Variants in FBLN7 observed in about 807,000 individuals in gnomAD.
The protein encoded by FBLN7 is fibulin 7.
In FBLN7, 31 loss-of-function variants were observed where a neutral mutation model predicts 44.0. The ratio of observed to expected loss-of-function variants is 0.70; its 90% CI spans 0.53 to 0.95. The LOEUF is 0.95. FBLN7 is among the 40% of genes least tolerant of loss of function. FBLN7 has a pLI of 0.00. For synonymous variants in FBLN7, 262 were observed against 253.4 expected, an observed-to-expected ratio of 1.03 and a Z score of -0.32; for missense variants, 573 against 618.5, an observed-to-expected ratio of 0.93 and a Z score of 0.78.
At chr2:112,151,339 C>T (rs922510830) in intron 1 of FBLN7, 1 of 152,178 alleles carries the variant, frequency 6.6e-6, no homozygotes, top group African/African-American at 2.4e-5. Flanking sequence ...CCTACTCTCT[C>T]TAGGGGAAAA....
At chr2:112,180,850 G>A (rs900777371) in intron 4 of FBLN7, among the ~76,000 whole-genome samples, 2 of 149,700 alleles carry the variant, frequency 1.3e-5, no homozygotes, top group Non-Finnish European at 3.0e-5. Context: ...ATGAACCCGG[G>A]AGGCAGAGCT....
the FBLN7 span, among the ~76,000 whole-genome samples, chr2:112,236,029 C>A: frequency 2.0e-5 from 3 of 151,638 alleles, no homozygotes; most frequent in Non-Finnish European, 4.4e-5. Flanking sequence ...TGGTGGGAGC[C>A]GAGGCAGGTG....
intron 4 of FBLN7, among the ~76,000 whole-genome samples, chr2:112,178,250 A>T (rs1682822055): frequency 7.2e-6 from 1 of 139,642 alleles, no homozygotes; most frequent in African/African-American, 2.6e-5. Flanking sequence ...GAAAAGTACA[A>T]GAAATACAAA....
the FBLN7 span, chr2:112,232,067 TAGG>T: frequency 2.0e-6 from 1 of 495,208 alleles, no homozygotes. Context: ...CTCATGCCTG[TAGG>T]AGGCGGAGGT....
chr2:112,210,854 A>G, the FBLN7 span, among the ~76,000 whole-genome samples: 2 of 152,168 alleles, frequency 1.3e-5, no homozygotes, highest in Non-Finnish European at 2.9e-5. Flanking sequence ...AGTAATGAAC[A>G]CATCTAGCAA....
chr2:112,175,832 C>G lies in FBLN7; in HGVS notation c.525C>G (p.Ala175=), dbSNP rs1480320522. ...CTGGGAACCGCTGTCAGCATCAGGC[C>G]CAGACTGGTATGTAGCCACCATGGG... The part of the protein sequence containing the change: ...GRTGNRCQHQ[A]QTAAPEGSVA... Residue 175 remains alanine (A), a synonymous_variant, in exon 4 of 8, where the codon GCC becomes GCG. Coordinates refer to ENST00000331203, the MANE Select transcript of FBLN7 (RefSeq NM_153214.3). 1 of 1,613,888 alleles carries G rather than the reference C, an allele frequency of 6.2e-7. No individual in the cohort carries two copies. Among genetic ancestry groups the G allele is most frequent in the Non-Finnish European group, 8.5e-7 (1 of 1,179,970 alleles).
chr2:112,193,100 AC>A (rs1203892052), downstream of FBLN7, among the ~76,000 whole-genome samples: 1 of 152,048 alleles, frequency 6.6e-6, no homozygotes, highest in Non-Finnish European at 1.5e-5. Flanking sequence ...GGGCTCCAGG[AC>A]CCCCCATGGA....
intron 2 of FBLN7, among the ~76,000 whole-genome samples, chr2:112,162,500 C>G (rs1263302869): frequency 6.6e-6 from 1 of 152,114 alleles, no homozygotes; most frequent in African/African-American, 2.4e-5. Flanking sequence ...ATTCATGTCC[C>G]CATGTTGCTG....
the FBLN7 span, among the ~76,000 whole-genome samples, chr2:112,210,136 C>A: frequency 6.6e-6 from 1 of 151,688 alleles, no homozygotes; most frequent in African/African-American, 2.4e-5. Flanking sequence ...GGAGCCCAAG[C>A]AGAGTGAGGG....
At chr2:112,191,327 C>T (rs1683481999), downstream of FBLN7, among the ~76,000 whole-genome samples, 1 of 152,080 alleles carries the variant, frequency 6.6e-6, no homozygotes, top group African/African-American at 2.4e-5. Context: ...AGGCATGCAC[C>T]ACCACACCTA....
At chr2:112,238,701 A>G in the FBLN7 span, 18 of 457,236 alleles carry the variant, frequency 3.9e-5, no homozygotes, top group Non-Finnish European at 6.7e-5. Flanking sequence ...TCCAGAATTA[A>G]AAAAAAGAAA....
At chr2:112,191,990 A>G (rs1038832433), downstream of FBLN7, among the ~76,000 whole-genome samples, 2 of 152,186 alleles carry the variant, frequency 1.3e-5, no homozygotes, top group Non-Finnish European at 2.9e-5. Context: ...TTTAAGCAAT[A>G]TAAACAAATG....
At chr2:112,234,284 A>C in the FBLN7 span, 8 of 1,366,656 alleles carry the variant, frequency 5.9e-6, no homozygotes, top group Non-Finnish European at 7.0e-6. Flanking sequence ...CAGAAAATTA[A>C]ATATTTTATT....
chr2:112,191,472 G>T (rs542707787), downstream of FBLN7, among the ~76,000 whole-genome samples: 3 of 152,184 alleles, frequency 2.0e-5, no homozygotes, highest in Non-Finnish European at 4.4e-5. Context: ...ACCGCGCCTG[G>T]CCTTGTTTTC....
At chr2:112,231,143 TAAAC>T in the FBLN7 span, among the ~76,000 whole-genome samples, 1 of 152,116 alleles carries the variant, frequency 6.6e-6, no homozygotes, top group African/African-American at 2.4e-5. Context: ...TTCACACAAA[TAAAC>T]AACTAAATAT....
At chr2:112,142,741 A>G (rs56106340) in intron 1 of FBLN7, among the ~76,000 whole-genome samples, 8,828 of 150,526 alleles carry the variant, frequency 0.059, 365 homozygotes, top group African/African-American at 0.12. Context: ...ACAGCGCAAG[A>G]GTAATATCAT....
In FBLN7 at chr2:112,187,600, T is replaced by C; in HGVS notation, c.*94T>C. ...CACCGACTGCGTGGAGCCTCCCGCC[T>C]GTTCCCGCCCTCTCACCAGTGCACC... On this transcript the variant is annotated 3_prime_UTR_variant, in exon 8 of 8. Transcript: ENST00000331203. This position sits in a 1 kb window ranked among gnomAD's most constrained non-coding sequence, Gnocchi z 5.1. The C allele has an allele frequency of 1.3e-6, 2 of 1,523,998 alleles. No individual in the cohort carries two copies. Among genetic ancestry groups the C allele is most frequent in the South Asian group, 1.2e-5 (1 of 80,022 alleles). The allele number at this position is 1,523,998 out of a possible 1,614,324, so 94.4% of individuals were successfully genotyped here.
At chr2:112,154,657 C>T (rs182241007) in intron 1 of FBLN7, among the ~76,000 whole-genome samples, 34 of 152,314 alleles carry the variant, frequency 2.2e-4, no homozygotes, top group African/African-American at 7.7e-4. Flanking sequence ...AGGGTCCGGC[C>T]GGCTTCCTGT....
At chr2:112,160,640 ACACACGCGCACGCACACG>A (rs1558879411) in intron 2 of FBLN7, among the ~76,000 whole-genome samples, 2 of 146,808 alleles carry the variant, frequency 1.4e-5, no homozygotes, top group African/African-American at 2.5e-5. Context: ...GTGCGTGCAC[ACACACGCGCACGCACACG>A]CGCACGCACA....
Sources: gnomAD v4.1 joint callset for allele counts (sites outside exome capture counted in the v4.1 genomes callset) on GRCh38, gnomAD v4.1.1 for gene constraint, Gnocchi (gnomAD v3.1) non-coding constraint, MANE v1.5 for transcripts, NCBI Gene and HGNC (gene_info 2026-07-23, HGNC 2026-07-21) for gene names.